The following DCDC1 variants were observed in gnomAD, a reference collection of about 807,000 sequenced individuals.
The protein encoded by DCDC1 is doublecortin domain-containing protein 1.
DCDC1 carries 200 observed loss-of-function variants against 178.3 expected under a neutral mutation model. The ratio of observed to expected loss-of-function variants is 1.12; its 90% CI spans 1.00 to 1.26. The LOEUF is 1.26. Among genes scored for constraint, DCDC1 ranks in the 50% most tolerant of loss-of-function variants. The pLI is 0.00. For synonymous variants in DCDC1, 690 were observed against 604.8 expected, an observed-to-expected ratio of 1.14 and a Z score of -2.07; for missense variants, 1,983 against 1,749.2, an observed-to-expected ratio of 1.13 and a Z score of -2.38.
chr11:31,044,403 G>A (rs1954683660), intron 20 of DCDC1, among the ~76,000 whole-genome samples: 1 of 151,256 alleles, frequency 6.6e-6, no homozygotes, highest in Admixed American at 6.6e-5. Flanking sequence ...GCATGAACCC[G>A]GGAGGCGGAG....
intron 9 of DCDC1, among the ~76,000 whole-genome samples, chr11:31,156,868 A>G (rs1239988797): frequency 1.3e-5 from 2 of 152,232 alleles, no homozygotes; most frequent in Non-Finnish European, 2.9e-5. Context: ...TTTATGAGAC[A>G]TATTTCACAC....
chr11:31,294,854 GAAAGAAAGAAAGAAAA>G (rs1261671132), intron 6 of DCDC1, among the ~76,000 whole-genome samples: 1 of 121,284 alleles, frequency 8.2e-6, no homozygotes, highest in East Asian at 2.9e-4. Flanking sequence ...AAGAAAGAAA[GAAAGAAAGAAAGAAAA>G]AGAAAACAGA....
chr11:31,202,050 T>C (rs774571757), intron 9 of DCDC1, among the ~76,000 whole-genome samples: 10 of 152,222 alleles, frequency 6.6e-5, no homozygotes, highest in Admixed American at 2.6e-4. Flanking sequence ...ATATACAATG[T>C]GAATTTTTCA....
chr11:31,327,750 CAG>C (rs769557176), intron 3 of DCDC1, among the ~76,000 whole-genome samples: 1 of 151,766 alleles, frequency 6.6e-6, no homozygotes, highest in Non-Finnish European at 1.5e-5. Flanking sequence ...TTTTTTTAGA[CAG>C]AGTCTCACTC....
At chr11:30,943,409 G>T in intron 21 of DCDC1, 2 of 241,278 alleles carry the variant, frequency 8.3e-6, no homozygotes, top group Admixed American at 5.1e-5. Flanking sequence ...TCTCTCAATA[G>T]AGTAATAAAC....
intron 20 of DCDC1, among the ~76,000 whole-genome samples, chr11:30,984,378 AC>A (rs1191877004): frequency 6.6e-6 from 1 of 152,180 alleles, no homozygotes; most frequent in East Asian, 1.9e-4. Flanking sequence ...CACTTCAAAA[AC>A]AACCTTGGAA....
intron 3 of DCDC1, among the ~76,000 whole-genome samples, chr11:31,308,804 T>C (rs1464825209): frequency 6.6e-6 from 1 of 152,144 alleles, no homozygotes; most frequent in African/African-American, 2.4e-5. Flanking sequence ...AGCTGTGTGG[T>C]GATCACACAT....
At chr11:31,201,057 T>C (rs1971236376) in intron 9 of DCDC1, among the ~76,000 whole-genome samples, 1 of 152,002 alleles carries the variant, frequency 6.6e-6, no homozygotes, top group East Asian at 1.9e-4. Context: ...TGATTGTCAG[T>C]CCACTCCATT....
intron 9 of DCDC1, among the ~76,000 whole-genome samples, chr11:31,138,623 GGA>G (rs1963446609): frequency 6.6e-6 from 1 of 152,134 alleles, no homozygotes; most frequent in African/African-American, 2.4e-5. Context: ...ATTGAGGATT[GGA>G]GTAAAAATGA....
intron 6 of DCDC1, among the ~76,000 whole-genome samples, chr11:31,295,439 G>T (rs11031345): frequency 0.017 from 2,631 of 151,992 alleles, 33 homozygotes; most frequent in South Asian, 0.041. Flanking sequence ...AGTCCTGGCT[G>T]TGACCATTGC....
chr11:30,924,829 T>G (rs1156944659), intron 23 of DCDC1, among the ~76,000 whole-genome samples: 1 of 152,058 alleles, frequency 6.6e-6, no homozygotes, highest in Non-Finnish European at 1.5e-5. Flanking sequence ...TCCCACCACT[T>G]TGGGAGGCTG....
intron 4 of DCDC1, 108 bp downstream of exon 4, chr11:31,307,531 T>C (rs763232631): frequency 8.5e-6 from 12 of 1,410,754 alleles, no homozygotes; most frequent in African/African-American, 1.4e-5. Context: ...ACCCGAGAGA[T>C]GTGTTACATT....
intron 9 of DCDC1, among the ~76,000 whole-genome samples, chr11:31,183,855 T>C (rs1344160124): frequency 1.3e-5 from 2 of 152,182 alleles, no homozygotes; most frequent in Non-Finnish European, 2.9e-5. Context: ...AAAATGGCCA[T>C]ACTGCCCAAA....
At position 31,015,192 on chromosome 11, in the gene DCDC1, C is replaced by T. The variant is rs551810921; in HGVS notation, c.2591+49277G>A. On this transcript the variant is annotated intron_variant, in intron 20 of 38. Coordinates refer to ENST00000684477, the MANE Select transcript of DCDC1 (RefSeq NM_001387274.1). ...CTCGATCTCCTGACCTCGTGATCCACCAGCCTCGGCCTCCCAAAGTGCTGG... is the reference window on the plus strand; with the variant it reads ...CTCGATCTCCTGACCTCGTGATCCATCAGCCTCGGCCTCCCAAAGTGCTGG... 2.6e-5 allele frequency among the ~76,000 whole-genome samples: 4 copies of T among 152,246 alleles called. No homozygotes were observed. In the East Asian group the frequency reaches 7.7e-4, roughly 29 times the overall value.
chr11:30,916,905 C>G lies in DCDC1; in HGVS notation c.3417G>C (p.Gly1139=). ...DDSLPKKTEK[G]LFENVEPQKK... is the part of the protein sequence containing the mutation. ...TCTGTGGTTCCACATTTTCAAAGAG[C>G]CCTTTTTCCGTTTTCTTTGGAAGAC... The change falls in exon 26 of 39, where the codon GGG becomes GGC. Residue 1139 remains glycine, a synonymous_variant. Transcript: ENST00000684477. 6.2e-7 allele frequency: 1 copy of G among 1,607,778 alleles called. No homozygotes were observed. Among genetic ancestry groups the G allele is most frequent in the South Asian group, 1.1e-5 (1 of 88,984 alleles).
Position 31,307,788 on chromosome 11 carries a change from T to A in DCDC1, c.285A>T (p.Gln95His), listed in dbSNP as rs761884719. 21 of 1,614,022 alleles carry A rather than the reference T, an allele frequency of 1.3e-5. No homozygotes were observed. In the Admixed American group the frequency reaches 3.5e-4, roughly 27 times the overall value. ...SAAVSEGSGL[Q>H]DCSTHQTASD... The stretch of plus-strand genomic sequence containing the variant: ...ATGCTGTTTGATGTGTGGAGCAATC[T>A]TGAAGTCCTGACCCTTCTGATACTG... Residue 95 changes from glutamine (Q) to histidine (H), a missense_variant, in exon 4 of 39, where the codon CAA (glutamine) becomes CAT (histidine). Gln to His is a conservative substitution (Grantham distance 24). Coordinates refer to ENST00000684477, the MANE Select transcript of DCDC1 (RefSeq NM_001387274.1).
chr11:31,255,603 G>A (rs756638774), intron 8 of DCDC1, among the ~76,000 whole-genome samples: 8 of 152,062 alleles, frequency 5.3e-5, no homozygotes, highest in Non-Finnish European at 1.2e-4. Flanking sequence ...CTTTTCATGT[G>A]CTTGTTGCCA....
At chr11:30,935,006 AG>A (rs756750585) in intron 21 of DCDC1, among the ~76,000 whole-genome samples, 18 of 152,082 alleles carry the variant, frequency 1.2e-4, no homozygotes, top group Non-Finnish European at 5.9e-5. Context: ...AAATCACCCT[AG>A]GGGGTAAACT....
chr11:31,226,928 G>C (rs1442726721), intron 9 of DCDC1, among the ~76,000 whole-genome samples: 2 of 151,708 alleles, frequency 1.3e-5, no homozygotes, highest in Non-Finnish European at 2.9e-5. Flanking sequence ...GAAAATAACA[G>C]ATAAAAATAA....
Sources: gnomAD v4.1 joint callset for allele counts (sites outside exome capture counted in the v4.1 genomes callset) on GRCh38, gnomAD v4.1.1 for gene constraint, MANE v1.5 for transcripts, NCBI Gene and HGNC (gene_info 2026-07-23, HGNC 2026-07-21) for gene names.